FHIT: variants seen among roughly 807,000 people sequenced by gnomAD.
FHIT encodes the protein bis(5'-adenosyl)-triphosphatase.
In FHIT, 19 loss-of-function variants were observed where a neutral mutation model predicts 17.9. The ratio of observed to expected loss-of-function variants is 1.06; its 90% CI spans 0.74 to 1.56. The LOEUF (loss-of-function observed/expected upper bound fraction) is 1.56, where lower values mean the gene tolerates loss of function less well. Ranked by LOEUF, FHIT falls within the 40% of genes most tolerant of loss-of-function variation. FHIT has a pLI of 0.00. For synonymous variants in FHIT, 81 were observed against 69.7 expected (o/e 1.16, Z -0.81); for missense variants, 248 against 189.2 (o/e 1.31, Z -1.82).
intron 5 of FHIT, chr3:60,077,275 A>G (rs530824600): frequency 3.9e-5 from 6 of 152,186 alleles, no homozygotes; most frequent in African/African-American, 1.4e-4. Context: ...TAGTATGTGT[A>G]TAAGTACACA....
intron 5 of FHIT, among the ~76,000 whole-genome samples, chr3:60,470,043 C>CTCCCCTT (rs1234401386): frequency 2.4e-4 from 21 of 89,258 alleles, no homozygotes; most frequent in Non-Finnish European, 4.1e-4. Context: ...TCTCTCCCCT[C>CTCCCCTT]TCCTCTCTCT....
chr3:60,714,122 G>A (rs1230575538), intron 4 of FHIT, among the ~76,000 whole-genome samples: 1 of 152,158 alleles, frequency 6.6e-6, no homozygotes, highest in Non-Finnish European at 1.5e-5. Context: ...TGCAAGGCTG[G>A]TTCAATATAC....
chr3:60,294,795 T>C (rs1287947758), intron 5 of FHIT, among the ~76,000 whole-genome samples: 1 of 152,278 alleles, frequency 6.6e-6, no homozygotes, highest in Middle Eastern at 3.4e-3. Context: ...ATACAACATA[T>C]AACCTTTTGA....
chr3:61,081,685 T>A (rs939801515), intron 2 of FHIT, among the ~76,000 whole-genome samples: 4 of 152,332 alleles, frequency 2.6e-5, no homozygotes, highest in East Asian at 1.9e-4. Flanking sequence ...TCTGTCTGTA[T>A]CACTGTGTCT....
At position 60,054,116 on chromosome 3, in the gene FHIT, T is replaced by G. The variant is rs902370071; in HGVS notation, c.104-39964A>C. 1.7e-4 allele frequency among the ~76,000 whole-genome samples: 26 copies of G among 152,312 alleles called. 1 individual carries two copies. The highest frequency in any genetic ancestry group is 5.5e-4 in the African/African-American group (23 of 41,582). On this transcript the variant is annotated intron_variant, in intron 5 of 9. Coordinates refer to ENST00000492590, the MANE Select transcript of FHIT (RefSeq NM_002012.4). ...TGAGCTATGATAGGAAAAAAATCAG[T>G]TTAACTTTACATATGAATTATTTTC...
At chr3:59,989,405 A>C (rs1709128867) in intron 7 of FHIT, among the ~76,000 whole-genome samples, 1 of 151,998 alleles carries the variant, frequency 6.6e-6, no homozygotes, top group Non-Finnish European at 1.5e-5. Flanking sequence ...CTTTAGTTCT[A>C]CTTAAAGTGA....
At chr3:60,261,068 T>C (rs1386328117) in intron 5 of FHIT, among the ~76,000 whole-genome samples, 2 of 152,094 alleles carry the variant, frequency 1.3e-5, no homozygotes, top group African/African-American at 4.8e-5. Context: ...AAGAAATAAT[T>C]ATAAGTATTT....
intron 7 of FHIT, among the ~76,000 whole-genome samples, chr3:59,939,442 A>T (rs1266385136): frequency 6.6e-6 from 1 of 152,162 alleles, no homozygotes; most frequent in Admixed American, 6.6e-5. Context: ...ACAGTGGCGG[A>T]GACCTTTTAG....
At chr3:61,005,074 T>C (rs1332884926) in intron 3 of FHIT, among the ~76,000 whole-genome samples, 1 of 152,194 alleles carries the variant, frequency 6.6e-6, no homozygotes, top group Non-Finnish European at 1.5e-5. Context: ...GCTAAGCATT[T>C]GCTATATATC....
chr3:59,925,049 TTTCTC>T (rs1007674742), intron 7 of FHIT, among the ~76,000 whole-genome samples: 2 of 151,958 alleles, frequency 1.3e-5, no homozygotes, highest in African/African-American at 4.8e-5. Context: ...CCTTCTATCT[TTTCTC>T]TTTTTTCTTT....
At chr3:61,198,426 G>C (rs1028130822) in intron 2 of FHIT, among the ~76,000 whole-genome samples, 2 of 152,032 alleles carry the variant, frequency 1.3e-5, no homozygotes, top group Non-Finnish European at 2.9e-5. Context: ...CAGGGTGCAG[G>C]CCCCTGAGTA....
At chr3:60,369,385 T>C (rs1290789202) in intron 5 of FHIT, among the ~76,000 whole-genome samples, 2 of 152,230 alleles carry the variant, frequency 1.3e-5, no homozygotes, top group Admixed American at 6.5e-5. Context: ...TTTAACAATA[T>C]TATTATAGCT....
At chr3:60,172,573 G>C (rs570425613) in intron 5 of FHIT, among the ~76,000 whole-genome samples, 14 of 152,242 alleles carry the variant, frequency 9.2e-5, no homozygotes, top group Non-Finnish European at 1.9e-4. Flanking sequence ...ACTGCACCAG[G>C]ACTGAAGTGT....
intron 5 of FHIT, among the ~76,000 whole-genome samples, chr3:60,201,505 C>G (rs7650092): frequency 0.014 from 2,199 of 152,112 alleles, 56 homozygotes; most frequent in East Asian, 0.079. Context: ...GGTAGATAAT[C>G]AGAAGAAAAG....
At chr3:59,945,389 AT>A (rs1317374318) in intron 7 of FHIT, among the ~76,000 whole-genome samples, 1 of 152,010 alleles carries the variant, frequency 6.6e-6, no homozygotes, top group Non-Finnish European at 1.5e-5. Flanking sequence ...TTGTTAATTT[AT>A]TTAAATTCCT....
At chr3:60,398,959 A>G (rs1047173466) in intron 5 of FHIT, among the ~76,000 whole-genome samples, 1 of 152,200 alleles carries the variant, frequency 6.6e-6, no homozygotes, top group Non-Finnish European at 1.5e-5. Context: ...AAGTCTATAC[A>G]TAAGAATGAA....
At chr3:60,505,216 C>T (rs1368143615) in intron 5 of FHIT, among the ~76,000 whole-genome samples, 2 of 152,102 alleles carry the variant, frequency 1.3e-5, no homozygotes, top group Non-Finnish European at 2.9e-5. Context: ...TCTACCTAAA[C>T]AAGACTGGTT....
chr3:59,870,944 A>G (rs911579061), intron 8 of FHIT, among the ~76,000 whole-genome samples: 15 of 151,984 alleles, frequency 9.9e-5, no homozygotes, highest in African/African-American at 3.6e-4. Flanking sequence ...GTAAATGACT[A>G]CTACATAGTT....
intron 8 of FHIT, among the ~76,000 whole-genome samples, chr3:59,861,490 A>C (rs1702402935): frequency 6.6e-6 from 1 of 152,092 alleles, no homozygotes; most frequent in Non-Finnish European, 1.5e-5. Context: ...AAATGCAGAA[A>C]CTCCCAGTTT....
Sources: gnomAD v4.1 joint callset for allele counts (sites outside exome capture counted in the v4.1 genomes callset) on GRCh38, gnomAD v4.1.1 for gene constraint, MANE v1.5 for transcripts, NCBI Gene and HGNC (gene_info 2026-07-23, HGNC 2026-07-21) for gene names.